Variants in EPB41L3 observed in about 807,000 individuals in gnomAD.
EPB41L3 encodes band 4.1-like protein 3.
EPB41L3 carries 57 observed loss-of-function variants against 127.1 expected under a neutral mutation model. The observed-to-expected ratio is 0.45, with a 90% confidence interval of 0.36 to 0.56. The LOEUF (loss-of-function observed/expected upper bound fraction) is 0.56, where lower values mean the gene tolerates loss of function less well. Ranked by LOEUF, EPB41L3 falls within the 20% of genes least tolerant of loss-of-function variation. EPB41L3 has a pLI of 0.00. For missense variants in EPB41L3, 1,273 were observed against 1,372.2 expected, an observed-to-expected ratio of 0.93 and a Z score of 1.14; for synonymous variants, 572 against 549.5, an observed-to-expected ratio of 1.04 and a Z score of -0.57.
At chr18:5,629,683 G>A (rs1172709549), upstream of EPB41L3, among the ~76,000 whole-genome samples, 2 of 152,152 alleles carry the variant, frequency 1.3e-5, no homozygotes, top group Non-Finnish European at 2.9e-5. Flanking sequence ...CTGCAGGGGG[G>A]CGGGGACGGA....
intron 3 of EPB41L3, among the ~76,000 whole-genome samples, chr18:5,573,006 G>A (rs761850112): frequency 6.6e-6 from 1 of 152,134 alleles, no homozygotes; most frequent in Non-Finnish European, 1.5e-5. Context: ...GAGCCAGGAG[G>A]GTGCAGAAGA....
At chr18:5,590,236 C>A (rs1296597019) in intron 3 of EPB41L3, among the ~76,000 whole-genome samples, 1 of 151,996 alleles carries the variant, frequency 6.6e-6, no homozygotes, top group Non-Finnish European at 1.5e-5. Flanking sequence ...TCAGAGGTTC[C>A]CAAGGAGAGC....
chr18:5,432,826 C>A (rs2079182745), intron 8 of EPB41L3, among the ~76,000 whole-genome samples: 1 of 152,208 alleles, frequency 6.6e-6, no homozygotes, highest in Non-Finnish European at 1.5e-5. Context: ...AAACCTTAGC[C>A]TAGGTGAACT....
At chr18:5,505,951 C>T (rs572738386) in intron 1 of EPB41L3, among the ~76,000 whole-genome samples, 3 of 151,270 alleles carry the variant, frequency 2.0e-5, no homozygotes, top group African/African-American at 7.3e-5. Flanking sequence ...CCCTCCCTAC[C>T]ATACCTTCAT....
chr18:5,394,941 T>C (rs936547237), intron 21 of EPB41L3, 126 bp downstream of exon 21: 20 of 1,219,084 alleles, frequency 1.6e-5, no homozygotes, highest in East Asian at 4.7e-5. Context: ...AAATCATATA[T>C]TGGAAAGTTA....
rs780187679 is a variant in EPB41L3 at position 5,419,779 on chromosome 18, C to T, written c.1438G>A (p.Glu480Lys). 2.3e-5 allele frequency: 37 copies of T among 1,614,064 alleles called. No homozygotes were observed. Among genetic ancestry groups the T allele is most frequent in the East Asian group, 6.7e-5 (3 of 44,884 alleles). ...CCCTTCCTCCGTTTGTCCTCTTCCT[C>T]GTCCCGCTCCTCCTCAGCCTTCTTC... ...PEKKAEEERD[E>K]EEDKRRKGEE... The change falls in exon 12 of 23, where the codon GAG (glutamate) becomes AAG (lysine). Residue 480 changes from glutamate (E) to lysine (K), a missense_variant. Physicochemically the swap from Glu to Lys is moderately conservative, Grantham distance 56. Coordinates refer to ENST00000341928, the MANE Select transcript of EPB41L3 (RefSeq NM_012307.5).
At chr18:5,568,190 A>C (rs2094231767) in intron 3 of EPB41L3, among the ~76,000 whole-genome samples, 1 of 152,168 alleles carries the variant, frequency 6.6e-6, no homozygotes, top group African/African-American at 2.4e-5. Flanking sequence ...GGTCATAAAA[A>C]GTATAACTGA....
intron 1 of EPB41L3, among the ~76,000 whole-genome samples, chr18:5,620,397 A>G (rs1237406254): frequency 6.6e-6 from 1 of 152,238 alleles, no homozygotes; most frequent in Non-Finnish European, 1.5e-5. Context: ...ATACTCATCT[A>G]TTAAAGTACC....
rs1190047630 is a variant in EPB41L3, at chr18:5,511,391, GTTTTTTTTTT to G, written c.-11-22207_-11-22198del. On this transcript the variant is annotated intron_variant, in intron 1 of 22. Transcript: ENST00000341928. ...CTTTAATAGCTGTGGAGGTATTTTG[GTTTTTTTTTT>G]TTTTTTTTTTTTTTTTTTTTTGTAT... Among the ~76,000 whole-genome samples, 291 of 59,794 alleles carry G rather than the reference GTTTTTTTTTT, an allele frequency of 4.9e-3. 2 individuals are homozygous for G. The highest frequency in any genetic ancestry group is 0.019 in the African/African-American group (278 of 14,694). 39.2% of individuals were successfully genotyped at this position (59,794 alleles called of 152,430 possible).
intron 2 of EPB41L3, among the ~76,000 whole-genome samples, chr18:5,482,862 G>T (rs2088855204): frequency 6.6e-6 from 1 of 152,136 alleles, no homozygotes; most frequent in South Asian, 2.1e-4. Flanking sequence ...GCTAAAGAGA[G>T]TTCTTCAATC....
chr18:5,620,794 G>T (rs2094852042), intron 1 of EPB41L3, among the ~76,000 whole-genome samples: 1 of 152,088 alleles, frequency 6.6e-6, no homozygotes, highest in Non-Finnish European at 1.5e-5. Flanking sequence ...CAGGTAAAGA[G>T]AAAAGGAAAT....
At chr18:5,463,784 C>G (rs780676480) in intron 3 of EPB41L3, 2 of 152,362 alleles carry the variant, frequency 1.3e-5, no homozygotes, top group Non-Finnish European at 2.9e-5. Context: ...TTTCTGAGAC[C>G]CTGAACACCG....
At chr18:5,441,521 A>G (rs1374868718) in intron 5 of EPB41L3, among the ~76,000 whole-genome samples, 3 of 148,768 alleles carry the variant, frequency 2.0e-5, no homozygotes, top group African/African-American at 5.1e-5. Context: ...GCTGGAGCGC[A>G]GTGGCGCGAT....
intron 1 of EPB41L3, among the ~76,000 whole-genome samples, chr18:5,534,582 A>T (rs540297872): frequency 5.9e-5 from 9 of 152,306 alleles, no homozygotes; most frequent in Non-Finnish European, 8.8e-5. Flanking sequence ...TACTCAAAAA[A>T]TTCTGCATTC....
intron 1 of EPB41L3, among the ~76,000 whole-genome samples, chr18:5,496,983 C>T (rs555562017): frequency 1.3e-5 from 2 of 152,150 alleles, no homozygotes; most frequent in Non-Finnish European, 2.9e-5. Flanking sequence ...GCTGGCTGCT[C>T]TAGACTGGAT....
At chr18:5,575,517 G>A (rs1342780661) in intron 3 of EPB41L3, among the ~76,000 whole-genome samples, 1 of 152,002 alleles carries the variant, frequency 6.6e-6, no homozygotes, top group East Asian at 1.9e-4. Context: ...ATCATTGTAA[G>A]CTTCCTGAGG....
chr18:5,484,085 T>TCAAAAAAAAAAAA (rs1202910013), intron 2 of EPB41L3, among the ~76,000 whole-genome samples: 10 of 3,832 alleles, frequency 2.6e-3, no homozygotes, highest in Non-Finnish European at 4.2e-3. Flanking sequence ...CCAAACAAAC[T>TCAAAAAAAAAAAA]CAAAAAAAAA....
intron 1 of EPB41L3, among the ~76,000 whole-genome samples, chr18:5,496,235 A>G (rs2091164714): frequency 6.6e-6 from 1 of 152,224 alleles, no homozygotes; most frequent in African/African-American, 2.4e-5. Flanking sequence ...ATATAGAGAG[A>G]GATATGGTGA....
intron 3 of EPB41L3, among the ~76,000 whole-genome samples, chr18:5,608,950 A>G (rs559464136): frequency 5.9e-5 from 9 of 152,252 alleles, no homozygotes; most frequent in Admixed American, 1.3e-4. Flanking sequence ...AAACTAAATC[A>G]TCTAAGATAA....
Sources: gnomAD v4.1 joint callset for allele counts (sites outside exome capture counted in the v4.1 genomes callset) on GRCh38, gnomAD v4.1.1 for gene constraint, MANE v1.5 for transcripts, NCBI Gene and HGNC (gene_info 2026-07-23, HGNC 2026-07-21) for gene names.